HMOX2: variants seen among roughly 807,000 people sequenced by gnomAD.
HMOX2 encodes the protein heme oxygenase (decycling) 2.
Under a neutral mutation model 33.7 loss-of-function variants are expected in HMOX2, and 30 were observed. The observed-to-expected ratio is 0.89, with a 90% CI of 0.67 to 1.21. The LOEUF (loss-of-function observed/expected upper bound fraction) is 1.21. Ranked by LOEUF, HMOX2 falls within the 50% of genes most tolerant of loss-of-function variation. HMOX2 has a pLI of 0.00. For synonymous variants in HMOX2, 155 were observed against 155.0 expected (o/e 1.00, Z 0.00); for missense variants, 403 against 399.1 (o/e 1.01, Z -0.08).
rs757206961 is a variant in HMOX2 at position 4,505,560 on chromosome 16, C to CG, written c.37dup (p.Glu13GlyfsTer20). On this transcript the variant is annotated frameshift_variant, in exon 2 of 6. Transcript: ENST00000570646. LOFTEE classifies it high-confidence loss of function. ...AAGTGGAAACCTCAGAGGGGGTAGA[C>CG]GAGTCAGAAAAAAAGAACTCTGGGG... 6.2e-7 allele frequency: 1 copy of CG among 1,606,438 alleles called. No individual in the cohort carries two copies. The highest frequency in any genetic ancestry group is 1.1e-5 in the South Asian group (1 of 89,988).
intron 1 of HMOX2, among the ~76,000 whole-genome samples, chr16:4,495,304 C>T (rs1441630785): frequency 3.3e-5 from 5 of 152,126 alleles, no homozygotes; most frequent in African/African-American, 1.2e-4. Flanking sequence ...GTAGGCAGGG[C>T]CTGCTGGTAG....
At chr16:4,505,709 A>G (rs1281356217) in intron 2 of HMOX2, 99 bp downstream of exon 2, 6 of 846,582 alleles carry the variant, frequency 7.1e-6, no homozygotes, top group Non-Finnish European at 1.1e-5. Context: ...GGGAGTGGCC[A>G]TGGGCCATGA....
At chr16:4,487,856 C>T (rs867144265) in intron 1 of HMOX2, among the ~76,000 whole-genome samples, 3 of 148,090 alleles carry the variant, frequency 2.0e-5, no homozygotes, top group South Asian at 2.1e-4. Flanking sequence ...GAGGCAGAGG[C>T]AGGAGAACTG....
chr16:4,475,651 A>G (rs145392634), upstream of HMOX2, among the ~76,000 whole-genome samples: 1 of 151,956 alleles, frequency 6.6e-6, no homozygotes, highest in Admixed American at 6.6e-5. Context: ...TAAAACTAAA[A>G]AATGACTCTG....
At chr16:4,488,102 C>T (rs1381757480) in intron 1 of HMOX2, among the ~76,000 whole-genome samples, 1 of 143,392 alleles carries the variant, frequency 7.0e-6, no homozygotes, top group Non-Finnish European at 1.5e-5. Context: ...CATTGTTTCG[C>T]TGCAACGAGA....
intron 1 of HMOX2, among the ~76,000 whole-genome samples, chr16:4,502,537 CT>C (rs921497424): frequency 2.0e-5 from 3 of 152,010 alleles, no homozygotes; most frequent in Non-Finnish European, 2.9e-5. Context: ...TGGTCCTTTA[CT>C]TCCATCACCC....
Position 4,483,118 on chromosome 16 carries a change from A to T in HMOX2, c.-42+6631A>T, listed in dbSNP as rs373558557. 2.3e-4 allele frequency among the ~76,000 whole-genome samples: 35 copies of T among 150,994 alleles called. 1 individual carries two copies. In the South Asian group the frequency reaches 6.7e-3, roughly 29 times the overall value. On this transcript the variant is annotated intron_variant, in intron 1 of 5. Transcript: ENST00000570646. ...CATGAAGCTTCTACGCCCTCTCTGG[A>T]ACTTTCGTGTATTCAGCTATCCTGA...
At chr16:4,482,891 G>A (rs1376628599) in intron 1 of HMOX2, among the ~76,000 whole-genome samples, 1 of 152,072 alleles carries the variant, frequency 6.6e-6, no homozygotes, top group Non-Finnish European at 1.5e-5. Context: ...TTAGCCGGGT[G>A]TGGTCGTGCA....
At chr16:4,484,186 A>G (rs1253692026) in intron 1 of HMOX2, among the ~76,000 whole-genome samples, 3 of 151,734 alleles carry the variant, frequency 2.0e-5, no homozygotes, top group East Asian at 3.9e-4. Context: ...GTGTTAGCCA[A>G]GATGGTCTCA....
intron 1 of HMOX2, among the ~76,000 whole-genome samples, chr16:4,478,094 G>C (rs1265996429): frequency 6.6e-6 from 1 of 152,172 alleles, no homozygotes; most frequent in Non-Finnish European, 1.5e-5. Context: ...CACACTCATT[G>C]AATGACCTCA....
rs1567407097 is a variant in HMOX2 at position 4,509,691 on chromosome 16, C to T, written c.886C>T (p.Leu296Phe). The T allele has an allele frequency of 6.2e-7, 1 of 1,614,070 alleles. No individual in the cohort carries two copies. Among genetic ancestry groups the T allele is most frequent in the Admixed American group, 1.7e-5 (1 of 60,030 alleles). The part of the protein sequence containing the change: ...TAMAVLRKPS[L>F]QFILAAGVAL... ...TATGGCTGTGCTGAGGAAGCCCAGC[C>T]TCCAGTTCATCCTGGCCGCTGGTGT... Residue 296 changes from leucine (L) to phenylalanine (F), a missense_variant, in exon 6 of 6, where the codon CTC becomes TTC. Leu to Phe is a conservative substitution (Grantham distance 22, BLOSUM62 0). Coordinates refer to ENST00000570646, the MANE Select transcript of HMOX2 (RefSeq NM_002134.4).
At chr16:4,505,819 C>T (rs761296075) in intron 2 of HMOX2, among the ~76,000 whole-genome samples, 1 of 152,218 alleles carries the variant, frequency 6.6e-6, no homozygotes, top group Non-Finnish European at 1.5e-5. Context: ...TCCAAGGAGG[C>T]AGGGCAGGTG....
At chr16:4,484,463 T>TTC (rs2058113703) in intron 1 of HMOX2, among the ~76,000 whole-genome samples, 1 of 145,650 alleles carries the variant, frequency 6.9e-6, no homozygotes, top group African/African-American at 2.6e-5. Flanking sequence ...TTCTTTTCTT[T>TTC]TTTTTTTTTT....
rs2057900580 is a variant in HMOX2 at position 4,477,621 on chromosome 16, T to C, written c.-42+1134T>C. On this transcript the variant is annotated intron_variant, in intron 1 of 5. Transcript: ENST00000570646. ...ACAAACCAGACAAGGTGGAGTGTGA[T>C]TGAAGAAAGAAACGCTGGCCGGTGC... 2.6e-5 allele frequency among the ~76,000 whole-genome samples: 4 copies of C among 150,956 alleles called. No individual in the cohort carries two copies. In the South Asian group the frequency reaches 6.3e-4, roughly 24 times the overall value.
chr16:4,504,380 G>T (rs75199582), intron 1 of HMOX2, among the ~76,000 whole-genome samples: 1 of 76,696 alleles, frequency 1.3e-5, no homozygotes, highest in African/African-American at 4.6e-5. Context: ...TTTTTTTTTG[G>T]ACAGAGTTTC....
chr16:4,476,289 A>C (rs1402793615), upstream of HMOX2: 1 of 152,286 alleles, frequency 6.6e-6, no homozygotes, highest in African/African-American at 2.4e-5. Flanking sequence ...GGAAAGCCAC[A>C]TACTCCGCTT....
intron 1 of HMOX2, among the ~76,000 whole-genome samples, chr16:4,489,860 C>G (rs7195782): frequency 1.3e-5 from 2 of 152,166 alleles, no homozygotes; most frequent in Admixed American, 1.3e-4. Flanking sequence ...ATCCTCCTGC[C>G]TCAGCCTCCC....
Position 4,509,415 on chromosome 16 carries a change from T to C in HMOX2, c.700T>C (p.Phe234Leu), listed in dbSNP as rs145119833. Residue 234 changes from phenylalanine (F) to leucine (L), a missense_variant, in exon 5 of 6, where the codon TTC becomes CTC. Phe to Leu is a conservative substitution (Grantham distance 22). Transcript: ENST00000570646. The stretch of plus-strand genomic sequence containing the variant: ...AGTCGATCCTCTGCTCCTGCAGATA[T>C]TCAATGAACTGGACCAGGCCGGCTC... ...NKAFEYNMQIFNELDQAGSTL... is the reference protein window; with the variant it reads ...NKAFEYNMQILNELDQAGSTL... 23 of 1,613,440 alleles carry C rather than the reference T, an allele frequency of 1.4e-5. No individual in the cohort carries two copies. The African/African-American group carries it at 2.3e-4, about 16-fold the overall frequency.
Position 4,509,445 on chromosome 16 carries a change from C to G in HMOX2, c.730C>G (p.Leu244Val). The change falls in exon 5 of 6, where the codon CTG (leucine) becomes GTG (valine). Residue 244 changes from leucine to valine, a missense_variant. Transcript: ENST00000570646. The part of the protein sequence containing the change: ...FNELDQAGST[L>V]ARETLEDGFP... ...TGAACTGGACCAGGCCGGCTCCACA[C>G]TGGCCAGAGAGACCTTGGAGGATGG... 2 of 1,614,144 alleles carry G rather than the reference C, an allele frequency of 1.2e-6. No homozygotes were observed. Among genetic ancestry groups the G allele is most frequent in the South Asian group, 1.1e-5 (1 of 91,078 alleles).
Sources: gnomAD v4.1 joint callset for allele counts (sites outside exome capture counted in the v4.1 genomes callset) on GRCh38, gnomAD v4.1.1 for gene constraint, MANE v1.5 for transcripts, NCBI Gene and HGNC (gene_info 2026-07-23, HGNC 2026-07-21) for gene names.